Variants in ZNF704 observed in about 807,000 individuals in gnomAD.
ZNF704 encodes zinc finger protein 704, also known as glucocorticoid induced gene 1.
Under a neutral mutation model 44.7 loss-of-function variants are expected in ZNF704, and 10 were observed. The observed-to-expected ratio is 0.22, with a 90% CI of 0.14 to 0.38. The LOEUF (loss-of-function observed/expected upper bound fraction) is 0.38. ZNF704 is among the 10% of genes least tolerant of loss of function. The pLI is 1.00. For synonymous variants in ZNF704, 211 were observed against 207.6 expected (o/e 1.02, Z -0.14); for missense variants, 390 against 545.5 (o/e 0.71, Z 2.84).
chr8:80,644,887 A>G (rs1054778265), intron 7 of ZNF704: 43 of 803,612 alleles, frequency 5.4e-5, no homozygotes, highest in Non-Finnish European at 8.7e-5. Flanking sequence ...GTTAGGAAGT[A>G]AGGACAGCTG....
At chr8:80,798,341 C>T (rs1218922591) in intron 2 of ZNF704, among the ~76,000 whole-genome samples, 8 of 152,064 alleles carry the variant, frequency 5.3e-5, no homozygotes, top group East Asian at 1.9e-4. Flanking sequence ...CCGCAACCTC[C>T]GCCTCCCAGG....
intron 2 of ZNF704, among the ~76,000 whole-genome samples, chr8:80,703,946 C>A (rs73273023): frequency 1.3e-5 from 2 of 152,084 alleles, no homozygotes; most frequent in African/African-American, 4.8e-5. Context: ...TATTTGTTTC[C>A]TCTTGTGGAA....
At position 80,763,522 on chromosome 8, in the gene ZNF704, C is replaced by G. The variant is rs536105842; in HGVS notation, c.221+57852G>C. 3.3e-5 allele frequency among the ~76,000 whole-genome samples: 5 copies of G among 152,302 alleles called. No homozygotes were observed. In the South Asian group the frequency reaches 1.0e-3, roughly 32 times the overall value. On this transcript the variant is annotated intron_variant, in intron 2 of 8. Coordinates refer to ENST00000327835, the MANE Select transcript of ZNF704 (RefSeq NM_001033723.3). ...CTAGAGCAACTGGGACACAGGGCAC[C>G]AAGTGCCTAGGCTGCACACAGCAGG...
chr8:80,697,197 T>A (rs1325365104), intron 2 of ZNF704, among the ~76,000 whole-genome samples: 3 of 152,126 alleles, frequency 2.0e-5, no homozygotes, highest in Non-Finnish European at 4.4e-5. Context: ...GAGCAGAGCC[T>A]GAGCCAGACT....
At chr8:80,869,568 T>A (rs1809214466) in intron 1 of ZNF704, among the ~76,000 whole-genome samples, 1 of 152,180 alleles carries the variant, frequency 6.6e-6, no homozygotes, top group Non-Finnish European at 1.5e-5. Flanking sequence ...TTTACTTGGG[T>A]TTCAGGTTCC....
intron 2 of ZNF704, among the ~76,000 whole-genome samples, chr8:80,814,722 A>T (rs906031205): frequency 6.6e-6 from 1 of 152,220 alleles, no homozygotes; most frequent in African/African-American, 2.4e-5. Flanking sequence ...TTTAAAAAGA[A>T]ATATTTTAAA....
rs1817631770 is a variant in ZNF704 at position 80,634,218 on chromosome 8, GA to G, written c.*7147del. On this transcript the variant is annotated 3_prime_UTR_variant, in exon 9 of 9. Transcript: ENST00000327835. ...CAGTGGCCACGGTAGAAAACACTAA[GA>G]AAATTAGGATAACAGTGATTCAACA... The G allele has an allele frequency of 6.6e-6, 1 of 152,198 alleles. No individual in the cohort carries two copies. Among genetic ancestry groups the G allele is most frequent in the East Asian group, 1.9e-4 (1 of 5,200 alleles). The allele number at this position is 152,198 out of a possible 1,614,324, so 9.4% of individuals were successfully genotyped here.
intron 5 of ZNF704, among the ~76,000 whole-genome samples, chr8:80,665,934 C>A (rs557438824): frequency 2.6e-5 from 4 of 151,178 alleles, no homozygotes; most frequent in Non-Finnish European, 5.9e-5. Flanking sequence ...TATAAATTAC[C>A]CAGTCTCAGA....
At chr8:80,824,728 G>A (rs767149972) in intron 1 of ZNF704, among the ~76,000 whole-genome samples, 66 of 152,202 alleles carry the variant, frequency 4.3e-4, no homozygotes, top group East Asian at 7.7e-4. Flanking sequence ...TGTATCTCTC[G>A]GCAGAAACTC....
rs369008779 is a variant in ZNF704, at chr8:80,643,085, C to T, written c.1077G>A (p.Gln359=). The T allele has an allele frequency of 1.2e-5, 19 of 1,606,098 alleles. No individual in the cohort carries two copies. The African/African-American group carries it at 2.1e-4, about 18-fold the overall frequency. The part of the protein sequence containing the change: ...HHPVGTGEQR[Q]HAHTVLSSPP... ...GGGAGGACAGGACCGTGTGCGCATG[C>T]TGTCTCTGCTCTCCTGTGCCCACCG... Residue 359 remains glutamine, a synonymous_variant, in exon 8 of 9, where the codon CAG becomes CAA. Coordinates refer to ENST00000327835, the MANE Select transcript of ZNF704 (RefSeq NM_001033723.3).
chr8:80,709,871 A>G (rs1563527059), intron 2 of ZNF704, among the ~76,000 whole-genome samples: 2 of 152,190 alleles, frequency 1.3e-5, no homozygotes, highest in South Asian at 2.1e-4. Context: ...CATGCTCCCC[A>G]CAGTAGCAGC....
In ZNF704 at chr8:80,791,458, G is replaced by A. The variant is rs1169015288; in HGVS notation, c.221+29916C>T. On this transcript the variant is annotated intron_variant, in intron 2 of 8. Coordinates refer to ENST00000327835, the MANE Select transcript of ZNF704 (RefSeq NM_001033723.3). The stretch of plus-strand genomic sequence containing the variant: ...ATCAGACCAGTGGGCAGTCCCAGGT[G>A]CAGGAAATGCTTAGAAGTTTGGTGG... Among the ~76,000 whole-genome samples, 4 of 152,216 alleles carry A rather than the reference G, an allele frequency of 2.6e-5. No individual in the cohort carries two copies. In the East Asian group the frequency reaches 7.7e-4, roughly 29 times the overall value.
chr8:80,722,013 G>T (rs1819174147), intron 2 of ZNF704, among the ~76,000 whole-genome samples: 1 of 152,152 alleles, frequency 6.6e-6, no homozygotes, highest in Non-Finnish European at 1.5e-5. Flanking sequence ...GAGGTAGAAG[G>T]ATGGCTTGAA....
chr8:80,856,737 C>CT (rs1220695293), intron 1 of ZNF704, among the ~76,000 whole-genome samples: 1 of 152,144 alleles, frequency 6.6e-6, no homozygotes, highest in Non-Finnish European at 1.5e-5. Flanking sequence ...CAGTAGCACA[C>CT]TGTTAGGACT....
At chr8:80,810,901 G>C (rs554580075) in intron 2 of ZNF704, among the ~76,000 whole-genome samples, 1 of 152,110 alleles carries the variant, frequency 6.6e-6, no homozygotes, top group East Asian at 1.9e-4. Context: ...TACCGTGGAT[G>C]CTCCTCCCCG....
chr8:80,877,790 AC>A (rs1348509117), upstream of ZNF704, among the ~76,000 whole-genome samples: 2 of 152,336 alleles, frequency 1.3e-5, no homozygotes, highest in East Asian at 3.9e-4. Flanking sequence ...GAGGAAGCAG[AC>A]AATAATCAAA....
intron 2 of ZNF704, among the ~76,000 whole-genome samples, chr8:80,709,889 G>T (rs974194459): frequency 1.3e-5 from 2 of 152,184 alleles, no homozygotes; most frequent in Non-Finnish European, 2.9e-5. Context: ...AGCTTCGCTT[G>T]TAAGATATCA....
At chr8:80,643,895 G>C (rs1194995786) in intron 7 of ZNF704, among the ~76,000 whole-genome samples, 1 of 152,142 alleles carries the variant, frequency 6.6e-6, no homozygotes, top group East Asian at 1.9e-4. Flanking sequence ...CAATGACACA[G>C]TGCAGGTCTA....
At chr8:80,796,156 T>C (rs985917254) in intron 2 of ZNF704, among the ~76,000 whole-genome samples, 10 of 152,222 alleles carry the variant, frequency 6.6e-5, no homozygotes, top group African/African-American at 1.2e-4. Context: ...AGGGGTTTAT[T>C]TCTTACAGTT....
Sources: gnomAD v4.1 joint callset for allele counts (sites outside exome capture counted in the v4.1 genomes callset) on GRCh38, gnomAD v4.1.1 for gene constraint, MANE v1.5 for transcripts, NCBI Gene and HGNC (gene_info 2026-07-23, HGNC 2026-07-21) for gene names.